Variants in MTCL1 observed in about 807,000 individuals in gnomAD.
MTCL1 encodes the protein microtubule cross-linking factor 1.
In MTCL1, 79 loss-of-function variants were observed where a neutral mutation model predicts 141.4. The ratio of observed to expected loss-of-function variants is 0.56; its 90% CI spans 0.47 to 0.67. The LOEUF is 0.67. Among genes scored for constraint, MTCL1 ranks in the 30% least tolerant of loss-of-function variants. MTCL1 has a pLI of 0.00. For missense variants in MTCL1, 2,177 were observed against 2,113.9 expected (o/e 1.03, Z -0.59); for synonymous variants, 914 against 875.8 (o/e 1.04, Z -0.77).
exon 6 of MTCL1, chr18:8,783,788 G>T (rs368971612): frequency 1.2e-6 from 2 of 1,613,322 alleles, no homozygotes; most frequent in Non-Finnish European, 1.7e-6. Context: ...CCGGAAGATC[G>T]TGGAGCTGGA....
intron 10 of MTCL1, among the ~76,000 whole-genome samples, chr18:8,799,333 T>C (rs2076037866): frequency 1.3e-5 from 2 of 152,164 alleles, no homozygotes; most frequent in Admixed American, 1.3e-4. Context: ...GAATTTGGGT[T>C]CCCCCTGCTC....
exon 15 of MTCL1, chr18:8,825,517 G>T: frequency 1.2e-6 from 2 of 1,612,258 alleles, no homozygotes; most frequent in Non-Finnish European, 1.7e-6. Context: ...GCCCTGCGTG[G>T]CAGCGGTGTC....
In MTCL1 at chr18:8,784,327, G is replaced by T; in HGVS notation, c.1215G>T (p.Gln405His). The change falls in exon 6 of 17, where the codon CAG becomes CAT. Residue 405 changes from glutamine to histidine, a missense_variant. Coordinates refer to ENST00000359865, the Ensembl canonical transcript of MTCL1. ...ATGGGGAGGAGAGCCGCCTGCCCCAGCCCAAGCGGGAAGGGCCTGTTGGCG... is the reference window on the plus strand; with the variant it reads ...ATGGGGAGGAGAGCCGCCTGCCCCATCCCAAGCGGGAAGGGCCTGTTGGCG... 4 of 1,554,644 alleles carry T rather than the reference G, an allele frequency of 2.6e-6. No homozygotes were observed. The highest frequency in any genetic ancestry group is 3.5e-6 in the Non-Finnish European group (4 of 1,147,148).
chr18:8,804,395 AC>A (rs911156202), intron 10 of MTCL1, among the ~76,000 whole-genome samples: 1 of 152,014 alleles, frequency 6.6e-6, no homozygotes, highest in African/African-American at 2.4e-5. Context: ...AGTTGGGACT[AC>A]AGGCAAGAGC....
intron 4 of MTCL1, among the ~76,000 whole-genome samples, chr18:8,759,846 G>C (rs960392054): frequency 2.6e-5 from 4 of 152,140 alleles, no homozygotes; most frequent in African/African-American, 7.2e-5. Flanking sequence ...ACCCATCAGT[G>C]AGAGGTGCAC....
intron 4 of MTCL1, among the ~76,000 whole-genome samples, chr18:8,762,879 G>A (rs1223060168): frequency 6.6e-6 from 1 of 152,198 alleles, no homozygotes; most frequent in Non-Finnish European, 1.5e-5. Flanking sequence ...GTGGTGCCCG[G>A]CTCAGGCTTG....
chr18:8,706,268 T>G, exon 1 of MTCL1: 1 of 1,228,932 alleles, frequency 8.1e-7, no homozygotes, highest in Non-Finnish European at 1.0e-6. Flanking sequence ...TGCTCGCGCA[T>G]CAGCCACACG....
chr18:8,738,554 A>C (rs528918036), intron 4 of MTCL1, among the ~76,000 whole-genome samples: 1 of 152,364 alleles, frequency 6.6e-6, no homozygotes, highest in East Asian at 1.9e-4. Context: ...AGTTGACCTC[A>C]TATGATTAGC....
chr18:8,711,556 T>G lies in MTCL1; in HGVS notation c.1053+4843T>G, dbSNP rs1168103521. On this transcript the variant is annotated intron_variant, in intron 1 of 13. Transcript: ENST00000306329. ...CCACATCCTCTCCAGCACCTGTTGT[T>G]TCCTGACTTTTTAATGATTGCCATT... 2.0e-5 allele frequency among the ~76,000 whole-genome samples: 3 copies of G among 149,760 alleles called. No homozygotes were observed. The Admixed American group carries it at 2.0e-4, about 10-fold the overall frequency.
chr18:8,758,385 C>T (rs1598519732), intron 4 of MTCL1, among the ~76,000 whole-genome samples: 1 of 152,316 alleles, frequency 6.6e-6, no homozygotes, highest in Middle Eastern at 3.4e-3. Flanking sequence ...TCTTTCCACT[C>T]ATCTAGTCAT....
At chr18:8,795,634 T>C (rs893171678) in intron 8 of MTCL1, among the ~76,000 whole-genome samples, 3 of 152,216 alleles carry the variant, frequency 2.0e-5, no homozygotes, top group African/African-American at 7.2e-5. Flanking sequence ...ATGTCAAGTC[T>C]TTCAGCATGG....
intron 4 of MTCL1, among the ~76,000 whole-genome samples, chr18:8,762,648 C>T (rs370706998): frequency 2.0e-5 from 3 of 152,216 alleles, no homozygotes; most frequent in Non-Finnish European, 4.4e-5. Flanking sequence ...GAGGACAGAG[C>T]GGCTGCCAGA....
At chr18:8,770,878 A>C (rs1013820652) in intron 4 of MTCL1, among the ~76,000 whole-genome samples, 2 of 152,158 alleles carry the variant, frequency 1.3e-5, no homozygotes, top group African/African-American at 2.4e-5. Context: ...TGCAAGGTGA[A>C]GCAAGCAGCT....
intron 5 of MTCL1, among the ~76,000 whole-genome samples, chr18:8,780,204 G>A (rs549106998): frequency 6.2e-4 from 94 of 152,154 alleles, no homozygotes; most frequent in Admixed American, 2.0e-3. Flanking sequence ...TTCCCCTTCC[G>A]TGGGGTTTGT....
intron 4 of MTCL1, among the ~76,000 whole-genome samples, chr18:8,740,268 A>G (rs1224604810): frequency 6.6e-6 from 1 of 152,168 alleles, no homozygotes; most frequent in Non-Finnish European, 1.5e-5. Context: ...TTTAATCAAA[A>G]TCCAGTCTTT....
chr18:8,807,622 G>A (rs1436792267), intron 11 of MTCL1, among the ~76,000 whole-genome samples: 4 of 152,154 alleles, frequency 2.6e-5, no homozygotes, highest in Non-Finnish European at 2.9e-5. Flanking sequence ...AGAGAGCCCG[G>A]GTTTCCTGCC....
upstream of MTCL1, among the ~76,000 whole-genome samples, chr18:8,715,090 C>G (rs1190935860): frequency 6.6e-6 from 1 of 152,192 alleles, no homozygotes; most frequent in Non-Finnish European, 1.5e-5. Context: ...GCCACCGCAC[C>G]CGGCCCCTAA....
chr18:8,831,830 A>C (rs750291343), exon 17 of MTCL1: 1 of 1,549,188 alleles, frequency 6.5e-7, no homozygotes, highest in Non-Finnish European at 8.7e-7. Context: ...TCACAGTATA[A>C]TTCACTGTAA....
rs115239581 is a variant in MTCL1 at position 8,720,432 on chromosome 18, A to G, written c.293A>G (p.Gln98Arg). The G allele has an allele frequency of 5.0e-5, 80 of 1,614,206 alleles. No homozygotes were observed. The East Asian group carries it at 1.5e-3, about 31-fold the overall frequency. The change falls in exon 4 of 17, where the codon CAG (glutamine) becomes CGG (arginine). Residue 98 changes from glutamine to arginine, a missense_variant. By Grantham distance (43) the Gln-to-Arg change is conservative. Coordinates refer to ENST00000359865, the Ensembl canonical transcript of MTCL1. ...GAGGATGAAAACGAAACTCTCCGAC[A>G]GCAGATGATTGAAGTGGAAATATCC...
Sources: allele counts gnomAD v4.1 joint callset (sites outside exome capture counted in the v4.1 genomes callset), GRCh38; gene constraint gnomAD v4.1.1; transcripts MANE v1.5; gene names NCBI Gene and HGNC (gene_info 2026-07-23, HGNC 2026-07-21).